NCOR2: variants seen among roughly 807,000 people sequenced by gnomAD.
NCOR2 encodes nuclear receptor corepressor 2.
Under a neutral mutation model 262.9 loss-of-function variants are expected in NCOR2, and 81 were observed. The observed-to-expected ratio is 0.31, with a 90% confidence interval of 0.26 to 0.37. The LOEUF (loss-of-function observed/expected upper bound fraction) is 0.37. Among genes scored for constraint, NCOR2 ranks in the 10% least tolerant of loss-of-function variants. NCOR2 has a pLI of 1.00. For missense variants in NCOR2, 3,385 were observed against 3,621.4 expected (o/e 0.93, Z 1.68); for synonymous variants, 1,659 against 1,559.3 (o/e 1.06, Z -1.51).
intron 5 of NCOR2, among the ~76,000 whole-genome samples, chr12:124,465,553 T>C (rs2046375863): frequency 6.6e-6 from 1 of 152,184 alleles, no homozygotes; most frequent in Non-Finnish European, 1.5e-5. Context: ...CTCCAGACTC[T>C]GTGTTTCAAT....
At chr12:124,462,280 C>T (rs1168278867) in intron 5 of NCOR2, among the ~76,000 whole-genome samples, 1 of 152,196 alleles carries the variant, frequency 6.6e-6, no homozygotes, top group African/African-American at 2.4e-5. Flanking sequence ...GAAGCCCCAT[C>T]CTAGCCCCTT....
intron 1 of NCOR2, among the ~76,000 whole-genome samples, chr12:124,518,925 T>A (rs1027889019): frequency 1.3e-5 from 2 of 152,132 alleles, no homozygotes; most frequent in Admixed American, 1.3e-4. Flanking sequence ...CCCTCCCCCG[T>A]CCTCTGTCCC....
intron 4 of NCOR2, among the ~76,000 whole-genome samples, chr12:124,472,143 T>A (rs2046862783): frequency 6.6e-6 from 1 of 152,206 alleles, no homozygotes; most frequent in African/African-American, 2.4e-5. Context: ...GGCCTCTTGG[T>A]GTCAGGGACA....
At chr12:124,433,961 T>C (rs954563915) in intron 8 of NCOR2, among the ~76,000 whole-genome samples, 2 of 139,284 alleles carry the variant, frequency 1.4e-5, no homozygotes, top group Admixed American at 7.0e-5. Context: ...CCCCGCCAGC[T>C]AGTCTGCGGG....
chr12:124,420,962 C>T (rs2136297422), intron 12 of NCOR2, among the ~76,000 whole-genome samples: 1 of 152,386 alleles, frequency 6.6e-6, no homozygotes, highest in Non-Finnish European at 1.5e-5. Context: ...AGGCTAAACC[C>T]AGCCCACAAA....
At chr12:124,428,062 T>TGTGTGTGTGTGTGTGA (rs2043672644) in intron 10 of NCOR2, among the ~76,000 whole-genome samples, 1 of 148,436 alleles carries the variant, frequency 6.7e-6, no homozygotes, top group African/African-American at 2.5e-5. Flanking sequence ...TGTGTGTGTG[T>TGTGTGTGTGTGTGTGA]GTGTGTGTGT....
chr12:124,558,958 A>G (rs2051978575), intron 1 of NCOR2, among the ~76,000 whole-genome samples: 1 of 152,162 alleles, frequency 6.6e-6, no homozygotes, highest in African/African-American at 2.4e-5. Context: ...TCCACTCATC[A>G]GCCCTAAAAT....
intron 3 of NCOR2, among the ~76,000 whole-genome samples, chr12:124,479,070 C>T (rs984045710): frequency 1.3e-5 from 2 of 152,008 alleles, no homozygotes; most frequent in African/African-American, 4.8e-5. Context: ...CAGGCCAGAG[C>T]GCACGGACGT....
intron 1 of NCOR2, chr12:124,556,361 A>G (rs986368490): frequency 6.6e-6 from 1 of 152,370 alleles, no homozygotes; most frequent in Non-Finnish European, 1.5e-5. Context: ...CCCAACACTC[A>G]ACACATCTAC....
chr12:124,461,861 C>T (rs2136600164), intron 5 of NCOR2, among the ~76,000 whole-genome samples: 1 of 152,342 alleles, frequency 6.6e-6, no homozygotes, highest in South Asian at 2.1e-4. Flanking sequence ...ACAGGTATAC[C>T]TGCACACATA....
rs137947195 is a variant in NCOR2, at chr12:124,385,167, C to T, written c.2019+578G>A. ...TCCTCAGAGGCCATTTACACGCTGG[C>T]GAGGCGAGCCTGCACCTTCTGTGCT... On this transcript the variant is annotated intron_variant, in intron 17 of 46. Coordinates refer to ENST00000405201, the Ensembl canonical transcript of NCOR2. 2.9e-3 allele frequency among the ~76,000 whole-genome samples: 442 copies of T among 152,266 alleles called. 1 individual carries two copies. Among genetic ancestry groups the T allele is most frequent in the African/African-American group, 6.3e-3 (261 of 41,556 alleles).
intron 14 of NCOR2, 66 bp from the exon 17 acceptor site, chr12:124,400,739 G>T (rs2041947248): frequency 1.3e-6 from 2 of 1,580,722 alleles, no homozygotes; most frequent in African/African-American, 1.4e-5. Flanking sequence ...GCCACTGGAG[G>T]AGACTGTTTC....
At chr12:124,330,740 C>G (rs1488747099) in intron 44 of NCOR2, 105 bp downstream of exon 46, 1 of 1,292,738 alleles carries the variant, frequency 7.7e-7, no homozygotes, top group African/African-American at 1.5e-5. Flanking sequence ...AGGGGGTACA[C>G]CCAGACTAGC....
chr12:124,332,285 C>T (rs767282449), intron 43 of NCOR2, 34 bp downstream of exon 45: 2 of 1,612,066 alleles, frequency 1.2e-6, no homozygotes, highest in South Asian at 1.1e-5. Flanking sequence ...CACCTGTGGC[C>T]CCATGCTTCC....
At chr12:124,426,541 G>C in intron 11 of NCOR2, 81 bp downstream of exon 13, 1 of 1,356,934 alleles carries the variant, frequency 7.4e-7, no homozygotes, top group Non-Finnish European at 9.9e-7. Flanking sequence ...CTCATTTGTG[G>C]TGGCTGCCGG....
At chr12:124,525,372 C>T (rs887986425) in intron 1 of NCOR2, among the ~76,000 whole-genome samples, 5 of 152,236 alleles carry the variant, frequency 3.3e-5, no homozygotes, top group African/African-American at 1.2e-4. Context: ...TCATCCCTAC[C>T]TCCCCACCCT....
intron 3 of NCOR2, among the ~76,000 whole-genome samples, chr12:124,477,808 C>A (rs1053893715): frequency 6.6e-6 from 1 of 151,166 alleles, no homozygotes; most frequent in Non-Finnish European, 1.5e-5. Flanking sequence ...ACTAATACAC[C>A]CCGCACAAGT....
chr12:124,483,595 C>T lies in NCOR2; in HGVS notation c.411+1G>A. On this transcript the variant is annotated splice_donor_variant, in intron 3 of 46. Coordinates refer to ENST00000405201, the Ensembl canonical transcript of NCOR2. LOFTEE classifies it high-confidence loss of function. The surrounding 1 kb of genome is among the most constrained non-coding windows in gnomAD (Gnocchi z 6.3). ...GCTCCCAGCTGGGGGCCCAGGCTTA[C>T]CTTGGTGAGGTCTTCAGATCCCGCA... 1 of 1,588,970 alleles carries T rather than the reference C, an allele frequency of 6.3e-7. No individual in the cohort carries two copies.
intron 13 of NCOR2, among the ~76,000 whole-genome samples, chr12:124,407,043 A>G (rs955120767): frequency 1.3e-5 from 2 of 152,220 alleles, no homozygotes; most frequent in African/African-American, 4.8e-5. Flanking sequence ...AAGGTCACAC[A>G]GCATTTCCTA....
Sources: gnomAD v4.1 joint callset for allele counts (sites outside exome capture counted in the v4.1 genomes callset) on GRCh38, gnomAD v4.1.1 for gene constraint, Gnocchi (gnomAD v3.1) non-coding constraint, MANE v1.5 for transcripts, NCBI Gene and HGNC (gene_info 2026-07-23, HGNC 2026-07-21) for gene names.